ANGPT2: variants seen among roughly 807,000 people sequenced by gnomAD.
The protein encoded by ANGPT2 is angiopoietin 2.
A neutral mutation model predicts 62.9 loss-of-function variants in ANGPT2; 28 were observed. That is an observed-to-expected ratio of 0.44 (90% CI 0.33 to 0.61). The LOEUF is 0.61. Among genes scored for constraint, ANGPT2 ranks in the 20% least tolerant of loss-of-function variants. The pLI is 0.03. For synonymous variants in ANGPT2, 284 were observed against 207.8 expected, an observed-to-expected ratio of 1.37 and a Z score of -3.15; for missense variants, 727 against 594.9, an observed-to-expected ratio of 1.22 and a Z score of -2.31.
At chr8:6,513,929 G>C in intron 6 of ANGPT2, 85 bp from the exon 7 acceptor site, 2 of 1,250,202 alleles carry the variant, frequency 1.6e-6, no homozygotes, top group South Asian at 3.2e-5. Context: ...ACTTAACATA[G>C]AATAACTATC....
chr8:6,527,664 T>C lies in ANGPT2; in HGVS notation c.457A>G (p.Thr153Ala). 1 of 1,613,652 alleles carries C rather than the reference T, an allele frequency of 6.2e-7. No individual in the cohort carries two copies. Among genetic ancestry groups the C allele is most frequent in the Non-Finnish European group, 8.5e-7 (1 of 1,179,706 alleles). Residue 153 changes from threonine (T) to alanine (A), a missense_variant, in exon 3 of 9, where the codon ACC (threonine) becomes GCC (alanine). Transcript: ENST00000629816. ...TDVEAQVLNQTTRLELQLLEH... is the reference protein window; with the variant it reads ...TDVEAQVLNQATRLELQLLEH... ...AAGAGCTGAAGTTCAAGTCTCGTGG[T>C]CTGATTTAATACCTAAATGTAACAA...
intron 3 of ANGPT2, among the ~76,000 whole-genome samples, chr8:6,527,337 C>A (rs2129570708): frequency 6.6e-6 from 1 of 152,274 alleles, no homozygotes; most frequent in South Asian, 2.1e-4. Flanking sequence ...CTTTAAGGGG[C>A]CAGGGAATGA....
intron 1 of ANGPT2, among the ~76,000 whole-genome samples, chr8:6,547,079 G>A (rs571323534): frequency 7.2e-5 from 11 of 152,108 alleles, no homozygotes; most frequent in Non-Finnish European, 1.6e-4. Context: ...TCGGGCTAAT[G>A]CGTTTTTGGA....
chr8:6,542,385 T>A (rs945025421), intron 1 of ANGPT2, among the ~76,000 whole-genome samples: 2 of 152,086 alleles, frequency 1.3e-5, no homozygotes, highest in Non-Finnish European at 2.9e-5. Flanking sequence ...CTTGTGTGTG[T>A]GTGTTTCAGT....
intron 3 of ANGPT2, among the ~76,000 whole-genome samples, chr8:6,522,918 C>G (rs573845079): frequency 1.3e-5 from 2 of 152,278 alleles, no homozygotes; most frequent in Non-Finnish European, 2.9e-5. Flanking sequence ...GGCCCCATTC[C>G]TTCTCTAAAA....
chr8:6,515,054 A>G (rs2916729), intron 5 of ANGPT2, among the ~76,000 whole-genome samples: 54,522 of 151,980 alleles, frequency 0.36, 9,969 homozygotes, highest in Middle Eastern at 0.49. Context: ...TCCAGGCTAA[A>G]GACCCCACCC....
At chr8:6,535,258 G>C (rs1820273653) in intron 1 of ANGPT2, among the ~76,000 whole-genome samples, 1 of 152,184 alleles carries the variant, frequency 6.6e-6, no homozygotes, top group South Asian at 2.1e-4. Context: ...TACTGAGTCA[G>C]ATGTGTTTGC....
chr8:6,510,240 C>G (rs778426102), intron 7 of ANGPT2, among the ~76,000 whole-genome samples: 3 of 151,274 alleles, frequency 2.0e-5, no homozygotes, highest in Non-Finnish European at 2.9e-5. Flanking sequence ...CAGGACAGAT[C>G]AGAGCAGGCA....
chr8:6,542,480 G>T (rs1416358814), intron 1 of ANGPT2, among the ~76,000 whole-genome samples: 1 of 152,088 alleles, frequency 6.6e-6, no homozygotes, highest in African/African-American at 2.4e-5. Flanking sequence ...GTCACTGTAA[G>T]AGGGACGCTA....
intron 1 of ANGPT2, among the ~76,000 whole-genome samples, chr8:6,549,619 A>C (rs942679505): frequency 1.3e-5 from 2 of 151,718 alleles, no homozygotes; most frequent in Admixed American, 1.3e-4. Context: ...CGGTCGTTAC[A>C]CAGGTGCGCA....
intron 1 of ANGPT2, among the ~76,000 whole-genome samples, chr8:6,540,607 T>C (rs1032242901): frequency 2.0e-5 from 3 of 152,250 alleles, no homozygotes; most frequent in Admixed American, 6.5e-5. Context: ...CACGTCTGCA[T>C]ATATAGATAT....
intron 1 of ANGPT2, among the ~76,000 whole-genome samples, chr8:6,545,568 G>C (rs905410723): frequency 6.6e-6 from 1 of 152,200 alleles, no homozygotes; most frequent in African/African-American, 2.4e-5. Flanking sequence ...CCAGCCATCT[G>C]ATGAGGGTTA....
intron 5 of ANGPT2, 83 bp from the exon 6 acceptor site, chr8:6,514,861 T>C (rs1318454550): frequency 3.3e-6 from 4 of 1,202,396 alleles, no homozygotes; most frequent in Non-Finnish European, 4.9e-6. Flanking sequence ...ATGTAGACCC[T>C]GAGTGCAGGA....
chr8:6,528,491 CT>C (rs138863557), intron 2 of ANGPT2, among the ~76,000 whole-genome samples: 2,041 of 152,268 alleles, frequency 0.013, 15 homozygotes, highest in Non-Finnish European at 0.019. Flanking sequence ...CTTGTTTAGA[CT>C]TTTATTTCTT....
intron 1 of ANGPT2, among the ~76,000 whole-genome samples, chr8:6,548,965 C>G (rs1823094916): frequency 6.6e-6 from 1 of 152,200 alleles, no homozygotes. Flanking sequence ...TTATGTTTAA[C>G]CAGTACTTAA....
At chr8:6,532,590 A>AG in intron 1 of ANGPT2, 103 bp from the exon 2 acceptor site, 1 of 866,358 alleles carries the variant, frequency 1.2e-6, no homozygotes, top group East Asian at 3.0e-5. Flanking sequence ...AAAAAAAAAA[A>AG]AATCTATCAA....
intron 2 of ANGPT2, among the ~76,000 whole-genome samples, chr8:6,531,118 C>T (rs540003118): frequency 2.0e-5 from 3 of 151,992 alleles, no homozygotes; most frequent in Admixed American, 1.3e-4. Context: ...ACGACCACGG[C>T]CTTGAGCTTG....
At chr8:6,517,983 A>C (rs1417305156) in intron 5 of ANGPT2, among the ~76,000 whole-genome samples, 1 of 152,190 alleles carries the variant, frequency 6.6e-6, no homozygotes, top group Non-Finnish European at 1.5e-5. Context: ...GTTTAAAGGG[A>C]ATATAAATCC....
chr8:6,550,517 G>A (rs1344962684), intron 1 of ANGPT2, among the ~76,000 whole-genome samples: 1 of 152,202 alleles, frequency 6.6e-6, no homozygotes, highest in Non-Finnish European at 1.5e-5. Flanking sequence ...AAACTGGCCT[G>A]CTCACCATTT....
Sources: gnomAD v4.1 joint callset for allele counts (sites outside exome capture counted in the v4.1 genomes callset) on GRCh38, gnomAD v4.1.1 for gene constraint, MANE v1.5 for transcripts, NCBI Gene and HGNC (gene_info 2026-07-23, HGNC 2026-07-21) for gene names.